SCHIP1: variants seen among roughly 807,000 people sequenced by gnomAD.
SCHIP1 encodes schwannomin interacting protein 1.
SCHIP1 carries 8 observed loss-of-function variants against 29.7 expected under a neutral mutation model. The ratio of observed to expected loss-of-function variants is 0.27; its 90% CI spans 0.16 to 0.49. The LOEUF is 0.49. SCHIP1 is among the 20% of genes least tolerant of loss of function. SCHIP1 has a pLI of 0.99. For synonymous variants in SCHIP1, 76 were observed against 94.9 expected (o/e 0.80, Z 1.16); for missense variants, 193 against 294.6 (o/e 0.66, Z 2.52).
At chr3:159,611,384 A>G in the SCHIP1 span, among the ~76,000 whole-genome samples, 1 of 152,194 alleles carries the variant, frequency 6.6e-6, no homozygotes. Context: ...TTGTAGGGAC[A>G]TGGATGGAGC....
the SCHIP1 span, chr3:159,764,577 C>G: frequency 6.2e-7 from 1 of 1,606,282 alleles, no homozygotes; most frequent in Non-Finnish European, 8.5e-7. This position sits in a 1 kb window ranked among gnomAD's most constrained non-coding sequence, Gnocchi z 6.1. Context: ...CGCCGGGGGG[C>G]AGCCTGGACT....
the SCHIP1 span, among the ~76,000 whole-genome samples, chr3:159,377,421 A>G: frequency 4.6e-5 from 7 of 152,200 alleles, no homozygotes; most frequent in Admixed American, 2.6e-4. Flanking sequence ...TTCTTTTGCA[A>G]ATGATTTGTT....
the SCHIP1 span, among the ~76,000 whole-genome samples, chr3:159,502,720 A>G: frequency 1.4e-5 from 2 of 144,496 alleles, no homozygotes. Context: ...TTCAGTTCCC[A>G]CCTAATCAGC....
the SCHIP1 span, among the ~76,000 whole-genome samples, chr3:159,745,315 G>T: frequency 6.6e-6 from 1 of 152,158 alleles, no homozygotes; most frequent in Non-Finnish European, 1.5e-5. Context: ...TCAAGGAGCC[G>T]GGTGTTTAAT....
the SCHIP1 span, among the ~76,000 whole-genome samples, chr3:159,420,180 A>G: frequency 6.6e-6 from 1 of 152,212 alleles, no homozygotes; most frequent in Non-Finnish European, 1.5e-5. Flanking sequence ...ATGCCAGGCA[A>G]TAGTGCAGAC....
chr3:159,844,318 G>A (rs571600479), intron 1 of SCHIP1, among the ~76,000 whole-genome samples: 1 of 152,366 alleles, frequency 6.6e-6, no homozygotes, highest in East Asian at 1.9e-4. Flanking sequence ...GTTTGAGCAA[G>A]GGCTTGTATG....
chr3:159,401,315 A>G, the SCHIP1 span: 3 of 935,082 alleles, frequency 3.2e-6, no homozygotes, highest in East Asian at 1.2e-4. Flanking sequence ...TTGAAAATAT[A>G]CAAACTCTAT....
chr3:159,559,345 T>C, the SCHIP1 span, among the ~76,000 whole-genome samples: 1 of 152,166 alleles, frequency 6.6e-6, no homozygotes, highest in Non-Finnish European at 1.5e-5. Flanking sequence ...CATATTTTTA[T>C]CCCAACATTT....
At chr3:159,656,736 G>A in the SCHIP1 span, among the ~76,000 whole-genome samples, 2 of 152,198 alleles carry the variant, frequency 1.3e-5, no homozygotes, top group African/African-American at 2.4e-5. Flanking sequence ...TGGTTCCAGA[G>A]TTGCCACTAG....
the SCHIP1 span, among the ~76,000 whole-genome samples, chr3:159,278,191 A>G: frequency 6.6e-6 from 1 of 152,218 alleles, no homozygotes; most frequent in Non-Finnish European, 1.5e-5. Context: ...TACTGGGTAC[A>G]TACTCTTGTG....
intron 1 of SCHIP1, among the ~76,000 whole-genome samples, chr3:159,865,704 G>A (rs1714550205): frequency 6.6e-6 from 1 of 152,172 alleles, no homozygotes; most frequent in South Asian, 2.1e-4. Flanking sequence ...GCTGCATGTT[G>A]GTGAAGTGAA....
At chr3:159,486,537 G>T in the SCHIP1 span, among the ~76,000 whole-genome samples, 3 of 152,154 alleles carry the variant, frequency 2.0e-5, no homozygotes, top group Non-Finnish European at 2.9e-5. Context: ...TTTCTTCTAG[G>T]AGTTTTGTGA....
the SCHIP1 span, among the ~76,000 whole-genome samples, chr3:159,407,341 A>G: frequency 3.3e-5 from 5 of 152,196 alleles, no homozygotes; most frequent in African/African-American, 1.2e-4. Context: ...AGGATATATC[A>G]ATTTTAAATA....
At chr3:159,514,106 T>C in the SCHIP1 span, among the ~76,000 whole-genome samples, 3 of 152,296 alleles carry the variant, frequency 2.0e-5, no homozygotes, top group South Asian at 4.1e-4. Flanking sequence ...CAGCCCTTTT[T>C]TCCAGCCCAA....
the SCHIP1 span, among the ~76,000 whole-genome samples, chr3:159,281,750 C>T: frequency 6.6e-6 from 1 of 151,966 alleles, no homozygotes; most frequent in South Asian, 2.1e-4. Flanking sequence ...TTGTAATATT[C>T]TCTGTCTCAT....
the SCHIP1 span, among the ~76,000 whole-genome samples, chr3:159,382,459 A>C: frequency 7.2e-4 from 109 of 151,876 alleles, no homozygotes; most frequent in African/African-American, 2.4e-3. Flanking sequence ...ATGGCTGCAT[A>C]GTATTCCATG....
At chr3:159,323,545 A>G in the SCHIP1 span, among the ~76,000 whole-genome samples, 1 of 152,206 alleles carries the variant, frequency 6.6e-6, no homozygotes, top group Non-Finnish European at 1.5e-5. Flanking sequence ...ATGGGCAGTA[A>G]TTGATTTTAC....
chr3:159,730,650 T>G, the SCHIP1 span, among the ~76,000 whole-genome samples: 1 of 152,292 alleles, frequency 6.6e-6, no homozygotes, highest in African/African-American at 2.4e-5. Flanking sequence ...TTTAAAGATA[T>G]TCCTTTGACC....
the SCHIP1 span, among the ~76,000 whole-genome samples, chr3:159,627,375 GAA>G: frequency 6.6e-6 from 1 of 152,214 alleles, no homozygotes; most frequent in Non-Finnish European, 1.5e-5. Flanking sequence ...CCCAGGCAGA[GAA>G]AAGACAGGAA....
Sources: gnomAD v4.1 joint callset for allele counts (sites outside exome capture counted in the v4.1 genomes callset) on GRCh38, gnomAD v4.1.1 for gene constraint, Gnocchi (gnomAD v3.1) non-coding constraint, MANE v1.5 for transcripts, NCBI Gene and HGNC (gene_info 2026-07-23, HGNC 2026-07-21) for gene names.